Variants in SLC4A4 observed in about 807,000 individuals in gnomAD.
The protein encoded by SLC4A4 is solute carrier family 4 member 4, also known as electrogenic sodium bicarbonate cotransporter 1.
In SLC4A4, 27 loss-of-function variants were observed where a neutral mutation model predicts 111.5. That is an observed-to-expected ratio of 0.24 (90% CI 0.18 to 0.33). The LOEUF (loss-of-function observed/expected upper bound fraction) is 0.33. Among genes scored for constraint, SLC4A4 ranks in the 10% least tolerant of loss-of-function variants. The probability of loss-of-function intolerance (pLI) is 1.00; values close to 1 mark genes in which losing one functional copy is unlikely to be tolerated. For synonymous variants in SLC4A4, 443 were observed against 463.4 expected (o/e 0.96, Z 0.57); for missense variants, 909 against 1,315.5 (o/e 0.69, Z 4.78).
At chr4:71,433,176 T>A (rs781326400) in intron 7 of SLC4A4, among the ~76,000 whole-genome samples, 1 of 151,802 alleles carries the variant, frequency 6.6e-6, no homozygotes, top group African/African-American at 2.4e-5. Context: ...TTCCTCCCCC[T>A]CACCATTAGC....
At chr4:71,169,511 G>A (rs1017606027) in intron 2 of SLC4A4, among the ~76,000 whole-genome samples, 1 of 152,086 alleles carries the variant, frequency 6.6e-6, no homozygotes, top group African/African-American at 2.4e-5. Context: ...TTTGAGAAAA[G>A]TGTATTTAGA....
chr4:71,099,563 C>A (rs1423092094), intron 2 of SLC4A4, among the ~76,000 whole-genome samples: 2 of 151,972 alleles, frequency 1.3e-5, no homozygotes, highest in South Asian at 2.1e-4. Context: ...AACCCCAATG[C>A]TAGCAGAAGA....
chr4:71,393,052 G>T (rs1719459703), intron 6 of SLC4A4, among the ~76,000 whole-genome samples: 3 of 152,074 alleles, frequency 2.0e-5, no homozygotes, highest in African/African-American at 7.2e-5. Context: ...CAAACCCACA[G>T]CCAACATAAT....
chr4:71,438,963 A>G (rs1282097494), intron 7 of SLC4A4, among the ~76,000 whole-genome samples: 1 of 152,076 alleles, frequency 6.6e-6, no homozygotes, highest in Non-Finnish European at 1.5e-5. Context: ...AATATTTGGT[A>G]TCAGGATGCA....
chr4:71,174,255 C>CT (rs35256882), intron 2 of SLC4A4, among the ~76,000 whole-genome samples: 3,724 of 140,828 alleles, frequency 0.026, 57 homozygotes, highest in Middle Eastern at 0.074. Context: ...CCACACCACA[C>CT]TTTTTTTTTT....
intron 2 of SLC4A4, among the ~76,000 whole-genome samples, chr4:71,249,187 T>C (rs188155393): frequency 5.8e-4 from 89 of 152,216 alleles, no homozygotes; most frequent in Non-Finnish European, 8.7e-4. Flanking sequence ...TATTTCCCTG[T>C]TTTTCATCAC....
At chr4:71,547,850 C>T in intron 20 of SLC4A4, 130 bp downstream of exon 20, 1 of 805,674 alleles carries the variant, frequency 1.2e-6, no homozygotes, top group South Asian at 1.4e-5. Flanking sequence ...AAGCAGGGGT[C>T]AAGTAGAAAG....
At chr4:71,427,471 A>T (rs1723250527) in intron 7 of SLC4A4, among the ~76,000 whole-genome samples, 1 of 151,624 alleles carries the variant, frequency 6.6e-6, no homozygotes, top group South Asian at 2.1e-4. Context: ...ATCAATATTT[A>T]AAAAATATGA....
intron 3 of SLC4A4, among the ~76,000 whole-genome samples, chr4:71,314,660 CAG>C (rs1315759039): frequency 6.6e-6 from 1 of 152,098 alleles, no homozygotes; most frequent in African/African-American, 2.4e-5. Flanking sequence ...AGCAAACTAA[CAG>C]GGGAACAGAA....
chr4:71,460,051 A>T (rs1169221103), intron 12 of SLC4A4, among the ~76,000 whole-genome samples: 3 of 151,626 alleles, frequency 2.0e-5, no homozygotes, highest in African/African-American at 7.3e-5. Flanking sequence ...TATAATAAGG[A>T]TATTTTCTCT....
intron 7 of SLC4A4, among the ~76,000 whole-genome samples, chr4:71,403,203 C>T (rs1348073887): frequency 1.3e-5 from 2 of 151,980 alleles, no homozygotes; most frequent in Non-Finnish European, 2.9e-5. Context: ...AAAAAAGGAG[C>T]CTTTTGTGAA....
intron 3 of SLC4A4, among the ~76,000 whole-genome samples, chr4:71,321,731 T>G (rs1044676107): frequency 1.2e-4 from 18 of 152,026 alleles, no homozygotes; most frequent in Non-Finnish European, 1.8e-4. Context: ...GATAATGTAT[T>G]AGTATATTCC....
intron 1 of SLC4A4, among the ~76,000 whole-genome samples, chr4:71,212,515 A>T (rs1304752187): frequency 6.6e-6 from 1 of 152,190 alleles, no homozygotes; most frequent in Non-Finnish European, 1.5e-5. Flanking sequence ...AATGAGAAAA[A>T]CCAGATGGTC....
rs540418740 is a variant in SLC4A4, at chr4:71,362,431, G to A, written c.730+5244G>A. 2.0e-5 allele frequency among the ~76,000 whole-genome samples: 3 copies of A among 152,312 alleles called. No individual in the cohort carries two copies. In the South Asian group the frequency reaches 6.2e-4, roughly 32 times the overall value. The stretch of plus-strand genomic sequence containing the variant: ...AGAAATGTATAAAATGTTTAGAGTG[G>A]TAACTGGCACATAGTAATCACTCCA... On this transcript the variant is annotated intron_variant, in intron 6 of 25. Transcript: ENST00000264485.
intron 14 of SLC4A4, among the ~76,000 whole-genome samples, chr4:71,474,197 AC>A (rs933212762): frequency 1.3e-5 from 2 of 151,646 alleles, no homozygotes; most frequent in Non-Finnish European, 2.9e-5. Context: ...ATTCTAGGTT[AC>A]GCAATTAGAT....
At position 71,249,900 on chromosome 4, in the gene SLC4A4, A is replaced by C. The variant is rs146746838; in HGVS notation, c.74-5320A>C. 2.7e-3 allele frequency among the ~76,000 whole-genome samples: 406 copies of C among 148,208 alleles called. 4 individuals carry two copies. Among genetic ancestry groups the C allele is most frequent in the African/African-American group, 9.7e-3 (395 of 40,584 alleles). On this transcript the variant is annotated intron_variant, in intron 2 of 25. Coordinates refer to ENST00000264485, the MANE Select transcript of SLC4A4 (RefSeq NM_001098484.3). ...CTCTGTCTCAAAAAAAAAAAAAATC[A>C]CTTGTATATTATTAAAGTGTTTAGG...
chr4:71,174,813 G>C (rs1208831348), intron 2 of SLC4A4, among the ~76,000 whole-genome samples: 1 of 152,142 alleles, frequency 6.6e-6, no homozygotes, highest in Non-Finnish European at 1.5e-5. Context: ...CATGATTATG[G>C]CTTACGATGT....
At chr4:71,313,372 A>G (rs1726375066) in intron 3 of SLC4A4, among the ~76,000 whole-genome samples, 1 of 152,200 alleles carries the variant, frequency 6.6e-6, no homozygotes, top group African/African-American at 2.4e-5. Flanking sequence ...TTATAGATTC[A>G]GTGCTATCCA....
chr4:71,364,911 C>T (rs891968945), intron 6 of SLC4A4, among the ~76,000 whole-genome samples: 5 of 152,018 alleles, frequency 3.3e-5, no homozygotes, highest in Admixed American at 1.3e-4. Context: ...TTCATTTATA[C>T]GAAAATATTC....
Sources: gnomAD v4.1 joint callset for allele counts (sites outside exome capture counted in the v4.1 genomes callset) on GRCh38, gnomAD v4.1.1 for gene constraint, MANE v1.5 for transcripts, NCBI Gene and HGNC (gene_info 2026-07-23, HGNC 2026-07-21) for gene names.